Variants in FGF6 observed in about 807,000 individuals in gnomAD.
The protein encoded by FGF6 is FGF-6.
Under a neutral mutation model 18.4 loss-of-function variants are expected in FGF6, and 14 were observed. That is an observed-to-expected ratio of 0.76 (90% confidence interval 0.50 to 1.19). FGF6 has a LOEUF of 1.19. Among genes scored for constraint, FGF6 ranks in the 50% most tolerant of loss-of-function variants. The pLI is 0.00. For synonymous variants in FGF6, 125 were observed against 116.7 expected (o/e 1.07, Z -0.46); for missense variants, 266 against 271.6 (o/e 0.98, Z 0.15).
Position 4,445,593 on chromosome 12 carries a change from G to A in FGF6, c.-23C>T, listed in dbSNP as rs371179305. On this transcript the variant is annotated 5_prime_UTR_variant, in exon 1 of 3. Coordinates refer to ENST00000228837, the MANE Select transcript of FGF6 (RefSeq NM_020996.3). The surrounding 1 kb of genome is among the most constrained non-coding windows in gnomAD (Gnocchi z 5.5). ...CATCCACCTTGCCTCTCAGGCACGT[G>A]GTCAGAATTAATGGCCCTAAAAATA... 62 of 1,537,768 alleles carry A rather than the reference G, an allele frequency of 4.0e-5. No homozygotes were observed. The highest frequency in any genetic ancestry group is 5.4e-5 in the African/African-American group (4 of 73,458).
chr12:4,444,649 C>A (rs1342938359), intron 1 of FGF6, among the ~76,000 whole-genome samples: 1 of 152,198 alleles, frequency 6.6e-6, no homozygotes, highest in South Asian at 2.1e-4. Flanking sequence ...GAAAACACAG[C>A]AGCCACACCA....
chr12:4,442,385 G>C (rs977790875), intron 2 of FGF6, among the ~76,000 whole-genome samples: 6 of 152,118 alleles, frequency 3.9e-5, no homozygotes, highest in Non-Finnish European at 5.9e-5. Context: ...CCAAGAGATT[G>C]AAAGTGGGAA....
chr12:4,437,728 A>G (rs1275647598), intron 2 of FGF6, among the ~76,000 whole-genome samples: 3 of 152,224 alleles, frequency 2.0e-5, no homozygotes, highest in African/African-American at 7.2e-5. Flanking sequence ...TAGAGAAAAC[A>G]TGGTGTTGGA....
chr12:4,441,792 A>G (rs1865693742), intron 2 of FGF6, among the ~76,000 whole-genome samples: 1 of 152,128 alleles, frequency 6.6e-6, no homozygotes, highest in Non-Finnish European at 1.5e-5. Flanking sequence ...TGTGAATGAA[A>G]TCATCACCCA....
chr12:4,445,274 C>T lies in FGF6; in HGVS notation c.297G>A (p.Gln99=). 6.2e-7 allele frequency: 1 copy of T among 1,614,022 alleles called. No homozygotes were observed. The highest frequency in any genetic ancestry group is 8.5e-7 in the Non-Finnish European group (1 of 1,180,030). The change falls in exon 1 of 3, where the codon CAG becomes CAA. Residue 99 remains glutamine (Q), a synonymous_variant. Coordinates refer to ENST00000228837, the MANE Select transcript of FGF6 (RefSeq NM_020996.3). The surrounding 1 kb of genome is among the most constrained non-coding windows in gnomAD (Gnocchi z 5.5). ...CGCTGATCCGGCCGTCGGGGAGCAC[C>T]TGGAGGTGAAAGCCGATGCCCACGT... ...YCNVGIGFHL[Q]VLPDGRISGT...
chr12:4,441,408 G>C (rs1865689306), intron 2 of FGF6, among the ~76,000 whole-genome samples: 1 of 152,208 alleles, frequency 6.6e-6, no homozygotes, highest in South Asian at 2.1e-4. Flanking sequence ...TGCACAGGGA[G>C]GATGAAGATC....
intron 2 of FGF6, among the ~76,000 whole-genome samples, chr12:4,436,736 G>T (rs981258991): frequency 1.3e-5 from 2 of 152,234 alleles, no homozygotes; most frequent in African/African-American, 4.8e-5. Flanking sequence ...TGGGAACACG[G>T]TGAAACTGCC....
At position 4,445,791 on chromosome 12, in the gene FGF6, T is replaced by C. The variant is rs1266715926; in HGVS notation, c.-221A>G. The stretch of plus-strand genomic sequence containing the variant: ...CCATGGCTCGGGGACGCTCTCTAGC[T>C]CGCCCGCTTGCTCCGTCCCTAGTTG... On this transcript the variant is annotated 5_prime_UTR_variant, in exon 1 of 3. Transcript: ENST00000228837. The surrounding 1 kb of genome is among the most constrained non-coding windows in gnomAD (Gnocchi z 5.5). 6.6e-6 allele frequency among the ~76,000 whole-genome samples: 1 copy of C among 152,116 alleles called. No homozygotes were observed. The highest frequency in any genetic ancestry group is 1.9e-4 in the East Asian group (1 of 5,190).
rs759490846 is a variant in FGF6 at position 4,445,396 on chromosome 12, A to G, written c.175T>C (p.Ser59Pro). 5.0e-6 allele frequency: 8 copies of G among 1,613,726 alleles called. No homozygotes were observed. The highest frequency in any genetic ancestry group is 6.8e-6 in the Non-Finnish European group (8 of 1,180,010). ...CCAGCTAGCCCGGCGCGAGACCTGGACAGCAGGGTGCCCCAGCCCCTCGAG... is the reference window on the plus strand; with the variant it reads ...CCAGCTAGCCCGGCGCGAGACCTGGGCAGCAGGGTGCCCCAGCCCCTCGAG... Reference protein sequence around the residue: ...LDSRGWGTLLSRSRAGLAGEI... With the variant: ...LDSRGWGTLLPRSRAGLAGEI... Residue 59 changes from serine (S) to proline (P), a missense_variant, in exon 1 of 3, where the codon TCC (serine) becomes CCC (proline). By Grantham distance (74) the Ser-to-Pro change is moderately conservative. Transcript: ENST00000228837. The surrounding 1 kb of genome is among the most constrained non-coding windows in gnomAD (Gnocchi z 5.5).
Position 4,436,026 on chromosome 12 carries a change from A to T in FGF6, c.451-1635T>A, listed in dbSNP as rs112225003. 5.7e-3 allele frequency among the ~76,000 whole-genome samples: 836 copies of T among 146,908 alleles called. 10 individuals carry two copies. Among genetic ancestry groups the T allele is most frequent in the African/African-American group, 0.021 (776 of 36,800 alleles). On this transcript the variant is annotated intron_variant, in intron 2 of 2. Transcript: ENST00000228837. ...TTCTGACTCCTTCTTGCTTGAGTAT[A>T]AAAAAAAACCCGCTCGATGGCTACT...
chr12:4,445,119 C>T lies in FGF6; in HGVS notation c.346+106G>A. 2 of 957,830 alleles carry T rather than the reference C, an allele frequency of 2.1e-6. No individual in the cohort carries two copies. The highest frequency in any genetic ancestry group is 2.6e-5 in the East Asian group (1 of 38,132). The allele number at this position is 957,830 out of a possible 1,614,324, so 59.3% of individuals were successfully genotyped here. ...ATCTAAGTGGTGAGCAGCATTTCTG[C>T]CCCCTTTATCGTGCATCCTGTCCGC... is the stretch of plus-strand genomic sequence containing the variant. On this transcript the variant is annotated intron_variant, in intron 1 of 2. Coordinates refer to ENST00000228837, the MANE Select transcript of FGF6 (RefSeq NM_020996.3). This position sits in a 1 kb window ranked among gnomAD's most constrained non-coding sequence, Gnocchi z 5.5.
Position 4,437,367 on chromosome 12 carries a change from A to T in FGF6, c.451-2976T>A, listed in dbSNP as rs1318258504. Among the ~76,000 whole-genome samples, 66 of 152,156 alleles carry T rather than the reference A, an allele frequency of 4.3e-4. 3 individuals carry two copies. The highest frequency in any genetic ancestry group is 4.3e-3 in the Admixed American group (66 of 15,282). On this transcript the variant is annotated intron_variant, in intron 2 of 2. Transcript: ENST00000228837. ...TAGCTTTTAAGCTCTGCGGTTTTTG[A>T]TGGAGTGCCTGGGAGACAGTAAGCT...
intron 1 of FGF6, among the ~76,000 whole-genome samples, chr12:4,444,779 C>A (rs1227391489): frequency 6.6e-6 from 1 of 152,100 alleles, no homozygotes; most frequent in Non-Finnish European, 1.5e-5. Context: ...ACAGAGGGAG[C>A]CGCTGAAATA....
At chr12:4,437,763 A>G (rs1865642318) in intron 2 of FGF6, among the ~76,000 whole-genome samples, 1 of 152,186 alleles carries the variant, frequency 6.6e-6, no homozygotes, top group Non-Finnish European at 1.5e-5. Flanking sequence ...TTTTATTATA[A>G]TGATAATAAA....
rs530223314 is a variant in FGF6 at position 4,443,236 on chromosome 12, T to A, written c.450+897A>T. ...CCAGTCCTGGATCTATTTCTTCACA[T>A]CCCAGTCCTCAGTTTATCCTCCAAG... On this transcript the variant is annotated intron_variant, in intron 2 of 2. Coordinates refer to ENST00000228837, the MANE Select transcript of FGF6 (RefSeq NM_020996.3). 2.8e-4 allele frequency among the ~76,000 whole-genome samples: 43 copies of A among 152,270 alleles called. 1 individual carries two copies. In the South Asian group the frequency reaches 8.5e-3, roughly 30 times the overall value.
At chr12:4,435,377 G>T (rs1354626527) in intron 2 of FGF6, among the ~76,000 whole-genome samples, 1 of 152,154 alleles carries the variant, frequency 6.6e-6, no homozygotes, top group Non-Finnish European at 1.5e-5. Context: ...GATCTGGGTT[G>T]CCTGCTCCTT....
At chr12:4,438,782 G>GAAA (rs1865653950) in intron 2 of FGF6, among the ~76,000 whole-genome samples, 1 of 120,248 alleles carries the variant, frequency 8.3e-6, no homozygotes, top group African/African-American at 3.0e-5. Context: ...AAAAAAAGAG[G>GAAA]AGTAACTAAC....
chr12:4,445,197 G>A lies in FGF6; in HGVS notation c.346+28C>T, dbSNP rs1354979346. On this transcript the variant is annotated intron_variant, in intron 1 of 2. Coordinates refer to ENST00000228837, the MANE Select transcript of FGF6 (RefSeq NM_020996.3). The surrounding 1 kb of genome is among the most constrained non-coding windows in gnomAD (Gnocchi z 5.5). ...CCTGCATGAGCCCAAACCCCCAAGC[G>A]TCCCGACTGGCTGCAGCTGGCACTC... 1 of 1,573,290 alleles carries A rather than the reference G, an allele frequency of 6.4e-7. No individual in the cohort carries two copies. The highest frequency in any genetic ancestry group is 2.3e-5 in the East Asian group (1 of 42,638).
In FGF6 at chr12:4,445,184, C is replaced by G; in HGVS notation, c.346+41G>C. 6.5e-7 allele frequency: 1 copy of G among 1,541,048 alleles called. No individual in the cohort carries two copies. ...TTCACCTTTTAGCCCTGCATGAGCC[C>G]AAACCCCCAAGCGTCCCGACTGGCT... On this transcript the variant is annotated intron_variant, in intron 1 of 2. Coordinates refer to ENST00000228837, the MANE Select transcript of FGF6 (RefSeq NM_020996.3). The surrounding 1 kb of genome is among the most constrained non-coding windows in gnomAD (Gnocchi z 5.5).
Sources: gnomAD v4.1 joint callset for allele counts (sites outside exome capture counted in the v4.1 genomes callset) on GRCh38, gnomAD v4.1.1 for gene constraint, Gnocchi (gnomAD v3.1) non-coding constraint, MANE v1.5 for transcripts, NCBI Gene and HGNC (gene_info 2026-07-23, HGNC 2026-07-21) for gene names.